The following CERS3 variants were observed in gnomAD, a reference collection of about 807,000 sequenced individuals.
CERS3 encodes the protein ceramide synthase 3.
A neutral mutation model predicts 50.3 loss-of-function variants in CERS3; 33 were observed. That is an observed-to-expected ratio of 0.66 (90% CI 0.50 to 0.88). CERS3 has a LOEUF of 0.88. Among genes scored for constraint, CERS3 ranks in the 40% least tolerant of loss-of-function variants. The probability of loss-of-function intolerance (pLI) is 0.00; values close to 1 mark genes in which losing one functional copy is unlikely to be tolerated. For missense variants in CERS3, 470 were observed against 460.3 expected (o/e 1.02, Z -0.19); for synonymous variants, 176 against 155.2 (o/e 1.13, Z -0.99).
At chr15:100,451,651 G>C (rs907665755) in intron 11 of CERS3, among the ~76,000 whole-genome samples, 2 of 152,246 alleles carry the variant, frequency 1.3e-5, no homozygotes, top group Admixed American at 1.3e-4. Flanking sequence ...AGCTTGCAGT[G>C]AGCCAAGATC....
intron 8 of CERS3, among the ~76,000 whole-genome samples, chr15:100,474,840 G>A (rs756092228): frequency 5.0e-4 from 76 of 152,320 alleles, no homozygotes; most frequent in Admixed American, 1.0e-3. Context: ...ATGTTAGTGC[G>A]TGGTGAAGCC....
intron 2 of CERS3, among the ~76,000 whole-genome samples, chr15:100,514,760 T>C (rs2036444853): frequency 1.3e-5 from 2 of 149,646 alleles, no homozygotes; most frequent in Non-Finnish European, 3.0e-5. Flanking sequence ...GATACTATTT[T>C]ATACATATCA....
intron 2 of CERS3, among the ~76,000 whole-genome samples, chr15:100,510,407 C>T (rs1389052117): frequency 6.6e-6 from 1 of 151,866 alleles, no homozygotes; most frequent in Non-Finnish European, 1.5e-5. Context: ...AATTTAAAGC[C>T]TGGAAGAAAT....
intron 11 of CERS3, among the ~76,000 whole-genome samples, chr15:100,447,052 C>G (rs964761670): frequency 2.0e-5 from 3 of 152,208 alleles, no homozygotes; most frequent in Non-Finnish European, 2.9e-5. Flanking sequence ...TGAAATGGCC[C>G]TACCAAACTG....
At chr15:100,465,583 T>A (rs1198515595) in intron 10 of CERS3, among the ~76,000 whole-genome samples, 1 of 152,204 alleles carries the variant, frequency 6.6e-6, no homozygotes, top group Admixed American at 6.5e-5. Flanking sequence ...TTTTCTCAAC[T>A]TTCCAAACAA....
chr15:100,428,274 T>C (rs1422100492), intron 11 of CERS3, among the ~76,000 whole-genome samples: 1 of 152,244 alleles, frequency 6.6e-6, no homozygotes, highest in Non-Finnish European at 1.5e-5. Context: ...CCAGCTAATT[T>C]TGGAGAGCTT....
intron 8 of CERS3, among the ~76,000 whole-genome samples, chr15:100,475,191 T>C (rs1196699250): frequency 7.9e-5 from 12 of 152,212 alleles, no homozygotes; most frequent in Non-Finnish European, 1.5e-5. Flanking sequence ...TTGAGTTACA[T>C]GGAAATGGAG....
intron 11 of CERS3, among the ~76,000 whole-genome samples, chr15:100,407,468 C>T (rs2031134642): frequency 6.6e-6 from 1 of 152,252 alleles, no homozygotes; most frequent in Non-Finnish European, 1.5e-5. Context: ...TCCCGTCAGG[C>T]ATGCACATAG....
At chr15:100,418,977 G>A (rs1010083284) in intron 11 of CERS3, among the ~76,000 whole-genome samples, 142 of 151,408 alleles carry the variant, frequency 9.4e-4, no homozygotes, top group African/African-American at 3.2e-3. Flanking sequence ...CTGCAAAATC[G>A]TGCCAAATTG....
chr15:100,427,148 C>T (rs765269783), intron 11 of CERS3, among the ~76,000 whole-genome samples: 2 of 152,286 alleles, frequency 1.3e-5, no homozygotes, highest in East Asian at 1.9e-4. Context: ...GACACAGCTG[C>T]GTATGTTTTG....
intron 10 of CERS3, among the ~76,000 whole-genome samples, chr15:100,465,608 C>T (rs753662107): frequency 1.3e-5 from 2 of 151,844 alleles, no homozygotes; most frequent in Admixed American, 6.6e-5. Context: ...AATCAGTCAA[C>T]GTCAATACAG....
At position 100,441,304 on chromosome 15, in the gene CERS3, C is replaced by T. The variant is rs552533194; in HGVS notation, c.999+14589G>A. Among the ~76,000 whole-genome samples, 250 of 151,138 alleles carry T rather than the reference C, an allele frequency of 1.7e-3. 2 individuals carry two copies. Among genetic ancestry groups the T allele is most frequent in the Non-Finnish European group, 3.1e-3 (213 of 67,694 alleles). ...TCTGCGCCCTGATCCCTTATTTCTG[C>T]ACCCCGACCTCTTATCTCTGTGCCC... On this transcript the variant is annotated intron_variant, in intron 11 of 11. Coordinates refer to ENST00000679737, the MANE Select transcript of CERS3 (RefSeq NM_001378789.1).
chr15:100,411,251 T>C (rs1361749378), intron 11 of CERS3, among the ~76,000 whole-genome samples: 1 of 152,156 alleles, frequency 6.6e-6, no homozygotes, highest in African/African-American at 2.4e-5. Context: ...CAACCTCGCC[T>C]CCCTGGTACA....
intron 11 of CERS3, among the ~76,000 whole-genome samples, chr15:100,443,362 C>A (rs2033787683): frequency 1.3e-5 from 2 of 150,246 alleles, no homozygotes; most frequent in South Asian, 2.1e-4. Flanking sequence ...AGCCTATAAA[C>A]TCTCCTTACA....
intron 10 of CERS3, among the ~76,000 whole-genome samples, chr15:100,469,051 T>C (rs1361094229): frequency 1.3e-5 from 2 of 152,324 alleles, no homozygotes; most frequent in African/African-American, 2.4e-5. Flanking sequence ...GAACTGGTGA[T>C]TGGACAGTGA....
At position 100,476,125 on chromosome 15, in the gene CERS3, C is replaced by T. The variant is rs2035119087; in HGVS notation, c.570G>A (p.Trp190Ter). ...WYYILEMSFY[W>*]SLLFRLGFDV... ...CAAAGCCAAGTCTAAATAACAGAGA[C>T]CAATAAAAACTCATTTCTAAAATGT... Residue 190 changes from tryptophan to a stop codon, truncating the protein, a stop_gained, in exon 8 of 12, where the codon TGG (tryptophan) becomes TGA (stop). Transcript: ENST00000679737. LOFTEE classifies it high-confidence loss of function. 2 of 1,580,046 alleles carry T rather than the reference C, an allele frequency of 1.3e-6. No homozygotes were observed. Among genetic ancestry groups the T allele is most frequent in the Admixed American group, 3.8e-5 (2 of 52,496 alleles).
chr15:100,482,625 CATT>C (rs2035347120), intron 5 of CERS3, among the ~76,000 whole-genome samples: 1 of 151,334 alleles, frequency 6.6e-6, no homozygotes, highest in South Asian at 2.1e-4. Context: ...AAAAAGGGCC[CATT>C]ATGTATTAAA....
intron 3 of CERS3, among the ~76,000 whole-genome samples, chr15:100,498,801 A>C (rs1340699310): frequency 6.6e-6 from 1 of 152,246 alleles, no homozygotes; most frequent in Non-Finnish European, 1.5e-5. Flanking sequence ...AAATAGATAC[A>C]CTAGCCTATT....
intron 8 of CERS3, among the ~76,000 whole-genome samples, chr15:100,474,589 G>T (rs192295434): frequency 9.2e-5 from 14 of 152,176 alleles, no homozygotes; most frequent in African/African-American, 3.4e-4. Context: ...ATTTTTAGAA[G>T]AGACAGGATT....
Sources: gnomAD v4.1 joint callset for allele counts (sites outside exome capture counted in the v4.1 genomes callset) on GRCh38, gnomAD v4.1.1 for gene constraint, MANE v1.5 for transcripts, NCBI Gene and HGNC (gene_info 2026-07-23, HGNC 2026-07-21) for gene names.